Variants in ACVR1 observed in about 807,000 individuals in gnomAD.
The protein encoded by ACVR1 is activin receptor type-1.
ACVR1 carries 38 observed loss-of-function variants against 57.1 expected under a neutral mutation model. That is an observed-to-expected ratio of 0.67 (90% CI 0.51 to 0.87). The LOEUF (loss-of-function observed/expected upper bound fraction) is 0.87, where lower values mean the gene tolerates loss of function less well. Among genes scored for constraint, ACVR1 ranks in the 40% least tolerant of loss-of-function variants. ACVR1 has a pLI of 0.00. For synonymous variants in ACVR1, 212 were observed against 228.1 expected (o/e 0.93, Z 0.63); for missense variants, 463 against 638.2 (o/e 0.73, Z 2.96).
intron 9 of ACVR1, among the ~76,000 whole-genome samples, chr2:157,746,682 C>T (rs959220429): frequency 6.6e-6 from 1 of 152,236 alleles, no homozygotes; most frequent in Non-Finnish European, 1.5e-5. Flanking sequence ...GGCTGGGCCC[C>T]GGGAATCTGT....
chr2:157,874,386 G>A (rs1690210066), intron 1 of ACVR1, among the ~76,000 whole-genome samples: 1 of 152,320 alleles, frequency 6.6e-6, no homozygotes, highest in South Asian at 2.1e-4. Context: ...AAATGGATGA[G>A]GCCCATATTT....
intron 2 of ACVR1, among the ~76,000 whole-genome samples, chr2:157,810,304 C>T (rs1459818503): frequency 3.3e-5 from 5 of 152,088 alleles, no homozygotes; most frequent in Non-Finnish European, 5.9e-5. Flanking sequence ...TACAAGACTG[C>T]CATTTAACAT....
intron 9 of ACVR1, 152 bp from the exon 10 acceptor site, chr2:157,738,722 G>A (rs1313857109): frequency 1.8e-6 from 2 of 1,120,476 alleles, no homozygotes; most frequent in African/African-American, 1.5e-5. Flanking sequence ...CTAGAGGTAG[G>A]TCCTAAAACA....
intron 9 of ACVR1, among the ~76,000 whole-genome samples, chr2:157,758,185 T>C (rs183130802): frequency 6.6e-6 from 1 of 152,002 alleles, no homozygotes; most frequent in Non-Finnish European, 1.5e-5. Context: ...GTAGCTATAC[T>C]TCTATCAGAT....
chr2:157,874,099 C>G (rs1296196294), intron 1 of ACVR1, among the ~76,000 whole-genome samples: 4 of 152,148 alleles, frequency 2.6e-5, no homozygotes, highest in Non-Finnish European at 2.9e-5. Context: ...GGGCATGAAC[C>G]CAATCTATAA....
chr2:157,873,708 A>C lies in ACVR1; in HGVS notation c.-183+2088T>G, dbSNP rs370596146. ...GAATTACCTAGAAGCCTATCATGAC[A>C]ATCATGGGACTAGTTCAGTCCAATC... On this transcript the variant is annotated intron_variant, in intron 1 of 10. Coordinates refer to ENST00000434821, the MANE Select transcript of ACVR1 (RefSeq NM_001111067.4). 3.7e-4 allele frequency among the ~76,000 whole-genome samples: 56 copies of C among 152,318 alleles called. No individual in the cohort carries two copies. The South Asian group carries it at 9.3e-3, about 25-fold the overall frequency.
chr2:157,869,143 T>C (rs1690033364), intron 1 of ACVR1, among the ~76,000 whole-genome samples: 1 of 152,196 alleles, frequency 6.6e-6, no homozygotes. Context: ...CCTGCCACCA[T>C]TCTAAATGAA....
chr2:157,753,705 A>C (rs1685302411), intron 9 of ACVR1, among the ~76,000 whole-genome samples: 1 of 152,210 alleles, frequency 6.6e-6, no homozygotes, highest in Non-Finnish European at 1.5e-5. Context: ...ATAGGTCAAG[A>C]CAGAAAGACA....
chr2:157,855,718 T>C (rs1008996228), intron 1 of ACVR1, among the ~76,000 whole-genome samples: 4 of 152,112 alleles, frequency 2.6e-5, no homozygotes, highest in African/African-American at 9.7e-5. Context: ...CTTTATAAAC[T>C]GTAAAGTCTG....
chr2:157,783,760 T>C (rs978587384), intron 3 of ACVR1, among the ~76,000 whole-genome samples: 1 of 152,224 alleles, frequency 6.6e-6, no homozygotes, highest in Non-Finnish European at 1.5e-5. Context: ...CTAACTTCTC[T>C]TTCCTATTCT....
intron 1 of ACVR1, chr2:157,826,697 GA>G (rs1688367931): frequency 2.4e-5 from 1 of 41,510 alleles, no homozygotes; most frequent in Middle Eastern, 0.013. Context: ...AAAAGAGAGA[GA>G]AGGAAAGGAA....
chr2:157,754,203 T>C (rs116581473), intron 9 of ACVR1, among the ~76,000 whole-genome samples: 4,004 of 152,110 alleles, frequency 0.026, 89 homozygotes, highest in Non-Finnish European at 0.038. Context: ...CTCAAGGAAC[T>C]AGAGAAATAA....
rs1688579184 is a variant in ACVR1 at position 157,831,504 on chromosome 2, A to C, written c.-182-12945T>G. Among the ~76,000 whole-genome samples, 4 of 152,348 alleles carry C rather than the reference A, an allele frequency of 2.6e-5. No homozygotes were observed. In the South Asian group the frequency reaches 6.2e-4, roughly 24 times the overall value. ...AGGGTGGCAGATCTACCCGAGAAAA[A>C]TCAAAAAACAAATAGGTGCTTAGAA... On this transcript the variant is annotated intron_variant, in intron 1 of 10. Coordinates refer to ENST00000434821, the MANE Select transcript of ACVR1 (RefSeq NM_001111067.4).
chr2:157,866,236 A>T (rs573061655), intron 1 of ACVR1, among the ~76,000 whole-genome samples: 1 of 152,182 alleles, frequency 6.6e-6, no homozygotes, highest in African/African-American at 2.4e-5. Context: ...CTATGAGAAC[A>T]AAAGAAATGC....
At chr2:157,750,040 T>C (rs941165653) in intron 9 of ACVR1, among the ~76,000 whole-genome samples, 4 of 152,172 alleles carry the variant, frequency 2.6e-5, no homozygotes, top group African/African-American at 9.7e-5. Context: ...CCCAGCCTGC[T>C]AGCACCCGCA....
intron 2 of ACVR1, among the ~76,000 whole-genome samples, chr2:157,803,024 G>A (rs1406046511): frequency 6.6e-6 from 1 of 151,934 alleles, no homozygotes; most frequent in Non-Finnish European, 1.5e-5. Context: ...AAGATTAAGA[G>A]ATTTATCATC....
chr2:157,765,183 A>G (rs1685813862), intron 8 of ACVR1, among the ~76,000 whole-genome samples: 1 of 152,212 alleles, frequency 6.6e-6, no homozygotes, highest in Admixed American at 6.5e-5. Flanking sequence ...TTATAATGCA[A>G]CTAAAGCTAC....
At chr2:157,847,746 C>A (rs1363053545) in intron 1 of ACVR1, among the ~76,000 whole-genome samples, 2 of 152,086 alleles carry the variant, frequency 1.3e-5, no homozygotes, top group Non-Finnish European at 2.9e-5. Context: ...TATGGGAACA[C>A]AGAAGAGAGA....
At chr2:157,842,554 C>T (rs1046618963) in intron 1 of ACVR1, among the ~76,000 whole-genome samples, 4 of 152,142 alleles carry the variant, frequency 2.6e-5, no homozygotes, top group African/African-American at 9.7e-5. Flanking sequence ...CTGTATCTCC[C>T]GCTGTCAGAC....
Sources: gnomAD v4.1 joint callset for allele counts (sites outside exome capture counted in the v4.1 genomes callset) on GRCh38, gnomAD v4.1.1 for gene constraint, MANE v1.5 for transcripts, NCBI Gene and HGNC (gene_info 2026-07-23, HGNC 2026-07-21) for gene names.